WDR64: variants seen among roughly 807,000 people sequenced by gnomAD.
WDR64 encodes WD repeat-containing protein 64.
WDR64 carries 112 observed loss-of-function variants against 139.3 expected under a neutral mutation model. That is an observed-to-expected ratio of 0.80 (90% CI 0.69 to 0.94). WDR64 has a LOEUF of 0.94. WDR64 is among the 40% of genes least tolerant of loss of function. WDR64 has a pLI of 0.00. For synonymous variants in WDR64, 444 were observed against 437.7 expected (o/e 1.01, Z -0.18); for missense variants, 1,206 against 1,293.1 (o/e 0.93, Z 1.03).
rs78445078 is a variant in WDR64 at position 241,797,672 on chromosome 1, T to C, written c.3192+1302T>C. Among the ~76,000 whole-genome samples, 221 of 152,278 alleles carry C rather than the reference T, an allele frequency of 1.5e-3. 4 individuals carry two copies. The East Asian group carries it at 0.036, about 25-fold the overall frequency. ...TTCATCATCAACTCTGACAATTATT[T>C]AAGAATTTTTGGCATTAGAAGAGTT... On this transcript the variant is annotated intron_variant, in intron 27 of 27. Transcript: ENST00000437684.
At chr1:241,662,876 C>A (rs537415116) in intron 2 of WDR64, among the ~76,000 whole-genome samples, 1 of 151,932 alleles carries the variant, frequency 6.6e-6, no homozygotes, top group Non-Finnish European at 1.5e-5. Context: ...GTAAGCAATG[C>A]AAACAGAAGG....
rs1051251682 is a variant in WDR64 at position 241,801,837 on chromosome 1, A to G, written c.*622A>G. On this transcript the variant is annotated 3_prime_UTR_variant, in exon 28 of 28. Transcript: ENST00000437684. Reference sequence around the variant, plus strand: ...AATAGAAAAAGCATAGTAACATGGTAGATTTAACCTTAAATATATCAATAA... The same window carrying G: ...AATAGAAAAAGCATAGTAACATGGTGGATTTAACCTTAAATATATCAATAA... The G allele has an allele frequency of 2.5e-6, 1 of 398,326 alleles. No homozygotes were observed. The highest frequency in any genetic ancestry group is 4.4e-6 in the Non-Finnish European group (1 of 225,920). The allele number at this position is 398,326 out of a possible 1,614,324, so 24.7% of individuals were successfully genotyped here.
In WDR64 at chr1:241,744,410, T is replaced by C; in HGVS notation, c.1488T>C (p.Thr496=). The change falls in exon 13 of 28, where the codon ACT becomes ACC. Residue 496 remains threonine (T), a synonymous_variant. Transcript: ENST00000437684. ...TCCCATAGGTATGGGAACTCGAGACTGGGCTCCAAGTATACCAGATTTTAG... is the reference window on the plus strand; with the variant it reads ...TCCCATAGGTATGGGAACTCGAGACCGGGCTCCAAGTATACCAGATTTTAG... ...ESIIRVWELE[T]GLQVYQILEP... is the part of the protein sequence containing the mutation. 8 of 1,614,166 alleles carry C rather than the reference T, an allele frequency of 5.0e-6. No homozygotes were observed. The highest frequency in any genetic ancestry group is 6.8e-6 in the Non-Finnish European group (8 of 1,180,010).
At chr1:241,677,647 T>C (rs1285275533) in intron 4 of WDR64, among the ~76,000 whole-genome samples, 3 of 152,198 alleles carry the variant, frequency 2.0e-5, no homozygotes, top group Admixed American at 6.5e-5. Flanking sequence ...TCTTAACTGG[T>C]ATAGTACCCA....
At chr1:241,772,997 A>T in intron 20 of WDR64, 66 bp downstream of exon 20, 1 of 1,465,956 alleles carries the variant, frequency 6.8e-7, no homozygotes, top group Non-Finnish European at 9.1e-7. Context: ...CATTAAATGA[A>T]TCTTAGTGTT....
intron 16 of WDR64, among the ~76,000 whole-genome samples, chr1:241,768,137 G>T (rs1658263480): frequency 6.6e-6 from 1 of 152,232 alleles, no homozygotes. Flanking sequence ...GATCCTCCTT[G>T]TTAAAGTGCC....
rs1665584735 is a variant in WDR64, at chr1:241,656,073, T to C, written c.145+3444T>C. Among the ~76,000 whole-genome samples, 1 of 152,178 alleles carries C rather than the reference T, an allele frequency of 6.6e-6. No individual in the cohort carries two copies. The highest frequency in any genetic ancestry group is 1.5e-5 in the Non-Finnish European group (1 of 68,034). ...TCACAAAGCCACACTGAAAATTTCC[T>C]TTCTCTATAGTTTTCAAGATTTGAT... On this transcript the variant is annotated intron_variant, in intron 1 of 27. Coordinates refer to ENST00000437684, the MANE Select transcript of WDR64 (RefSeq NM_001367482.1). The surrounding 1 kb of genome is among the most constrained non-coding windows in gnomAD (Gnocchi z 4.3).
chr1:241,696,113 CAAAAAAAAAAAAA>C (rs541301982), intron 8 of WDR64, among the ~76,000 whole-genome samples: 15 of 22,322 alleles, frequency 6.7e-4, no homozygotes, highest in East Asian at 2.0e-3. Context: ...GACCCAGTAT[CAAAAAAAAAAAAA>C]AAAAAAAAAA....
At chr1:241,683,384 C>A in intron 6 of WDR64, 103 bp from the exon 7 acceptor site, 1 of 1,104,074 alleles carries the variant, frequency 9.1e-7, no homozygotes, top group Non-Finnish European at 1.3e-6. Flanking sequence ...GGTGTATCTA[C>A]AATAAGAAAC....
chr1:241,655,702 T>TTTC (rs1665564576), intron 1 of WDR64, among the ~76,000 whole-genome samples: 3 of 40,736 alleles, frequency 7.4e-5, no homozygotes, highest in African/African-American at 1.3e-4. Flanking sequence ...CTTTTTTTCT[T>TTTC]TTCTTTTTTT....
intron 27 of WDR64, among the ~76,000 whole-genome samples, chr1:241,800,405 G>T (rs925016447): frequency 7.2e-5 from 11 of 152,010 alleles, no homozygotes; most frequent in Middle Eastern, 3.2e-3. Context: ...GTGAATATTG[G>T]TTGAACATAA....
At chr1:241,726,876 T>C (rs904013866) in intron 10 of WDR64, among the ~76,000 whole-genome samples, 9 of 145,284 alleles carry the variant, frequency 6.2e-5, no homozygotes, top group Admixed American at 2.8e-4. Context: ...ATACATTACT[T>C]TGTAATAAGG....
intron 8 of WDR64, among the ~76,000 whole-genome samples, chr1:241,701,674 T>C (rs1667716748): frequency 2.7e-5 from 2 of 75,164 alleles, no homozygotes; most frequent in Admixed American, 2.2e-4. Flanking sequence ...TGGTCATTGA[T>C]CTGTTCATCT....
At chr1:241,740,316 C>T (rs2148241399) in intron 11 of WDR64, among the ~76,000 whole-genome samples, 1 of 152,314 alleles carries the variant, frequency 6.6e-6, no homozygotes, top group African/African-American at 2.4e-5. Flanking sequence ...GTTACTGTCA[C>T]TGTAATGAAA....
chr1:241,731,392 A>AT (rs1669072858), intron 10 of WDR64, among the ~76,000 whole-genome samples: 2 of 152,168 alleles, frequency 1.3e-5, no homozygotes, highest in South Asian at 4.1e-4. Flanking sequence ...ATGTCCTAAC[A>AT]TAGATGTAAG....
chr1:241,659,820 A>T (rs1431369417), intron 1 of WDR64, among the ~76,000 whole-genome samples: 1 of 152,156 alleles, frequency 6.6e-6, no homozygotes, highest in African/African-American at 2.4e-5. Context: ...CCTTTGTCAG[A>T]TGGATAGATT....
chr1:241,657,382 A>G (rs1665648940), intron 1 of WDR64, among the ~76,000 whole-genome samples: 1 of 152,152 alleles, frequency 6.6e-6, no homozygotes, highest in South Asian at 2.1e-4. Context: ...CACCCCAAAG[A>G]CATCTTACCA....
At chr1:241,771,403 A>G (rs550699545) in intron 18 of WDR64, among the ~76,000 whole-genome samples, 24 of 152,208 alleles carry the variant, frequency 1.6e-4, no homozygotes, top group Non-Finnish European at 3.1e-4. Context: ...CCAGGAACCG[A>G]GCATGCATCA....
intron 7 of WDR64, among the ~76,000 whole-genome samples, chr1:241,687,102 C>T (rs1392304790): frequency 6.6e-6 from 1 of 152,024 alleles, no homozygotes; most frequent in Non-Finnish European, 1.5e-5. Flanking sequence ...GTCAGGAGTT[C>T]GAGACCAGCC....
Sources: allele counts gnomAD v4.1 joint callset (sites outside exome capture counted in the v4.1 genomes callset), GRCh38; gene constraint gnomAD v4.1.1; non-coding constraint Gnocchi (gnomAD v3.1); transcripts MANE v1.5; gene names NCBI Gene and HGNC (gene_info 2026-07-23, HGNC 2026-07-21).